The following GOLGA8A variants were observed in gnomAD, a reference collection of about 807,000 sequenced individuals.
GOLGA8A encodes the protein golgin A8 family member A.
GOLGA8A carries 3 observed loss-of-function variants against 22.1 expected under a neutral mutation model. The observed-to-expected ratio is 0.14, with a 90% CI of 0.06 to 0.35. GOLGA8A has a LOEUF of 0.35. Among genes scored for constraint, GOLGA8A ranks in the 10% least tolerant of loss-of-function variants. The pLI, the probability that GOLGA8A is intolerant of heterozygous loss-of-function variation, is 1.00. For missense variants in GOLGA8A, 16 were observed against 233.2 expected, an observed-to-expected ratio of 0.07 and a Z score of 6.07; for synonymous variants, 7 against 91.7, an observed-to-expected ratio of 0.08 and a Z score of 5.28.
chr15:34,429,122 A>G (rs983136143), intron 2 of GOLGA8A, among the ~76,000 whole-genome samples: 1 of 125,860 alleles, frequency 7.9e-6, no homozygotes, highest in Non-Finnish European at 1.7e-5. Context: ...ATACCTCCCC[A>G]CACCCTCCTC....
At chr15:34,432,467 C>T (rs192209617) in intron 2 of GOLGA8A, among the ~76,000 whole-genome samples, 2 of 149,122 alleles carry the variant, frequency 1.3e-5, no homozygotes, top group South Asian at 2.2e-4. Context: ...AGGCAACCCA[C>T]AGCTCAGCTA....
Position 34,434,859 on chromosome 15 carries a change from C to T in GOLGA8A, c.-1123+524G>A, listed in dbSNP as rs191158281. Among the ~76,000 whole-genome samples, 6 of 149,602 alleles carry T rather than the reference C, an allele frequency of 4.0e-5. 1 individual carries two copies. Among genetic ancestry groups the T allele is most frequent in the Non-Finnish European group, 6.0e-5 (4 of 67,212 alleles). The stretch of plus-strand genomic sequence containing the variant: ...TGGCAAGGGTGAGGAACTGAGACTG[C>T]GTTGAGGACACACAGCCTGTGAGTG... On this transcript the variant is annotated intron_variant, in intron 2 of 24. Transcript: ENST00000359187.
intron 2 of GOLGA8A, among the ~76,000 whole-genome samples, chr15:34,425,143 G>A (rs1892930728): frequency 6.9e-6 from 1 of 144,682 alleles, no homozygotes; most frequent in Admixed American, 7.2e-5. Flanking sequence ...ATAGGAGAAA[G>A]GTTGGCGGAG....
intron 2 of GOLGA8A, among the ~76,000 whole-genome samples, chr15:34,408,397 TAC>T (rs1000464811): frequency 5.5e-5 from 2 of 36,634 alleles, no homozygotes; most frequent in African/African-American, 2.0e-4. Context: ...CCACACACCA[TAC>T]ACAGTACACT....
At chr15:34,427,087 C>T (rs769514602) in intron 2 of GOLGA8A, among the ~76,000 whole-genome samples, 1 of 147,760 alleles carries the variant, frequency 6.8e-6, no homozygotes, top group Non-Finnish European at 1.5e-5. Context: ...AATTGCAGCA[C>T]TTTGGGAGGC....
chr15:34,430,517 G>C (rs1470546194), intron 2 of GOLGA8A, among the ~76,000 whole-genome samples: 1 of 149,054 alleles, frequency 6.7e-6, no homozygotes, highest in African/African-American at 2.5e-5. Context: ...GAATCTAGCA[G>C]TCAGGCCAGG....
In GOLGA8A at chr15:34,423,047, C is replaced by T. The variant is rs879158320; in HGVS notation, c.-1123+12336G>A. ...GGCATTTGGGGACCGCAACAGAGAA[C>T]GGATGCCTAGCAGATGGGAAGACGA... On this transcript the variant is annotated intron_variant, in intron 2 of 24. Transcript: ENST00000359187. 6.4e-4 allele frequency among the ~76,000 whole-genome samples: 83 copies of T among 129,992 alleles called. 5 individuals are homozygous for T. Among genetic ancestry groups the T allele is most frequent in the South Asian group, 1.7e-3 (6 of 3,594 alleles). 85.3% of individuals were successfully genotyped at this position (129,992 alleles called of 152,430 possible). A position where few individuals can be genotyped will look rare whatever the true frequency, so the allele number is the denominator to read the frequency against.
rs1051193344 is a variant in GOLGA8A, at chr15:34,423,897, CACT to C, written c.-1123+11483_-1123+11485del. ...GCCTGTGCACCCAGGGGGCCACCAC[CACT>C]GCCTGGGGGTCCTCACGTTTGGAGG... On this transcript the variant is annotated intron_variant, in intron 2 of 24. Transcript: ENST00000359187. Among the ~76,000 whole-genome samples, 15 of 149,238 alleles carry C rather than the reference CACT, an allele frequency of 1.0e-4. 1 individual carries two copies. Among genetic ancestry groups the C allele is most frequent in the African/African-American group, 3.2e-4 (13 of 40,410 alleles).
intron 5 of GOLGA8A, among the ~76,000 whole-genome samples, chr15:34,403,609 CTATAAAG>C (rs1344131064): frequency 1.3e-5 from 2 of 149,890 alleles, no homozygotes; most frequent in African/African-American, 2.4e-5. Flanking sequence ...ATGAGAGCAT[CTATAAAG>C]TATAAAGTAC....
chr15:34,437,038 C>G (rs1893555655), intron 1 of GOLGA8A, among the ~76,000 whole-genome samples: 1 of 148,872 alleles, frequency 6.7e-6, no homozygotes, highest in East Asian at 2.0e-4. Context: ...GCCCGACCAG[C>G]CCGGCGAGAC....
intron 1 of GOLGA8A, among the ~76,000 whole-genome samples, 193 bp downstream of exon 1, chr15:34,437,205 A>G (rs1464568555): frequency 1.4e-5 from 2 of 146,650 alleles, no homozygotes; most frequent in Non-Finnish European, 3.0e-5. Context: ...GAGAGGCGTA[A>G]GGCCGCCGGG....
At chr15:34,435,832 T>C (rs1289051501) in intron 1 of GOLGA8A, among the ~76,000 whole-genome samples, 7 of 149,068 alleles carry the variant, frequency 4.7e-5, no homozygotes, top group Admixed American at 4.1e-4. Context: ...CCAGTACTGC[T>C]AGAGCCCACC....
At chr15:34,424,328 C>T (rs62014590) in intron 2 of GOLGA8A, among the ~76,000 whole-genome samples, 1,728 of 120,114 alleles carry the variant, frequency 0.014, no homozygotes, top group Non-Finnish European at 0.022. Flanking sequence ...CCCCAGGGAT[C>T]GCAGAGTGGA....
chr15:34,429,815 C>G lies in GOLGA8A; in HGVS notation c.-1123+5568G>C, dbSNP rs183677167. Among the ~76,000 whole-genome samples, 149 of 147,564 alleles carry G rather than the reference C, an allele frequency of 1.0e-3. 11 individuals are homozygous for G. The highest frequency in any genetic ancestry group is 3.6e-3 in the African/African-American group (145 of 40,248). On this transcript the variant is annotated intron_variant, in intron 2 of 24. Coordinates refer to ENST00000359187, the MANE Select transcript of GOLGA8A (RefSeq NM_181077.5). The stretch of plus-strand genomic sequence containing the variant: ...CTCCCGGTTGTACCACTGCAGAGTC[C>G]TTGAGTGTCAAAGGACTGAGAGGTG...
rs187129391 is a variant in GOLGA8A at position 34,429,554 on chromosome 15, C to T, written c.-1123+5829G>A. ...CCGTGGGGCTCTCACATCTTCCAGA[C>T]TGTGCCTCTCTAGGAGGGCCTTGGA... On this transcript the variant is annotated intron_variant, in intron 2 of 24. Coordinates refer to ENST00000359187, the MANE Select transcript of GOLGA8A (RefSeq NM_181077.5). 2.1e-3 allele frequency among the ~76,000 whole-genome samples: 310 copies of T among 149,056 alleles called. 15 individuals carry two copies. Among genetic ancestry groups the T allele is most frequent in the East Asian group, 1.8e-3 (9 of 5,078 alleles).
intron 2 of GOLGA8A, among the ~76,000 whole-genome samples, chr15:34,435,027 G>A (rs562595683): frequency 6.7e-6 from 1 of 149,744 alleles, no homozygotes; most frequent in East Asian, 2.0e-4. Context: ...CCGACCGCCA[G>A]TCCTCTCCTC....
chr15:34,424,587 A>T (rs62014592), intron 2 of GOLGA8A, among the ~76,000 whole-genome samples: 14,593 of 104,258 alleles, frequency 0.14, 139 homozygotes, highest in Admixed American at 0.18. Context: ...GATCCCAGTG[A>T]CAACAGCAGC....
At chr15:34,428,315 A>C (rs929059003) in intron 2 of GOLGA8A, among the ~76,000 whole-genome samples, 6 of 147,808 alleles carry the variant, frequency 4.1e-5, no homozygotes, top group African/African-American at 1.5e-4. Flanking sequence ...GGCTGATCTC[A>C]AACTCCTGGG....
rs1167191358 is a variant in GOLGA8A, at chr15:34,422,913, C to T, written c.-1123+12470G>A. Among the ~76,000 whole-genome samples the T allele has an allele frequency of 8.6e-5, 10 of 116,282 alleles. 1 individual carries two copies. The highest frequency in any genetic ancestry group is 3.9e-4 in the Admixed American group (4 of 10,360). The allele number at this position is 116,282 out of a possible 152,430, so 76.3% of individuals were successfully genotyped here. On this transcript the variant is annotated intron_variant, in intron 2 of 24. Coordinates refer to ENST00000359187, the MANE Select transcript of GOLGA8A (RefSeq NM_181077.5). ...GTTGCTCTTCCACTAGGCTGTGACA[C>T]GCTGGCCGAGCTCCGCCTCCACCGG...
Sources: allele counts gnomAD v4.1 joint callset (sites outside exome capture counted in the v4.1 genomes callset), GRCh38; gene constraint gnomAD v4.1.1; transcripts MANE v1.5; gene names NCBI Gene and HGNC (gene_info 2026-07-23, HGNC 2026-07-21).